SERGEF: variants seen among roughly 807,000 people sequenced by gnomAD.
SERGEF encodes secretion-regulating guanine nucleotide exchange factor.
Under a neutral mutation model 50.0 loss-of-function variants are expected in SERGEF, and 51 were observed. That is an observed-to-expected ratio of 1.02 (90% confidence interval 0.81 to 1.29). The LOEUF (loss-of-function observed/expected upper bound fraction) is 1.29. Among genes scored for constraint, SERGEF ranks in the 50% most tolerant of loss-of-function variants. The probability of loss-of-function intolerance (pLI) is 0.00; values close to 1 mark genes in which losing one functional copy is unlikely to be tolerated. For synonymous variants in SERGEF, 205 were observed against 212.4 expected, an observed-to-expected ratio of 0.97 and a Z score of 0.30; for missense variants, 521 against 557.0, an observed-to-expected ratio of 0.94 and a Z score of 0.65.
chr11:17,798,111 G>C (rs1241530179), intron 10 of SERGEF, among the ~76,000 whole-genome samples: 1 of 152,154 alleles, frequency 6.6e-6, no homozygotes, highest in Non-Finnish European at 1.5e-5. Context: ...CAAAAGAAAG[G>C]CCTTGGCTCA....
At chr11:17,858,773 T>C (rs1396168125) in intron 10 of SERGEF, among the ~76,000 whole-genome samples, 1 of 151,902 alleles carries the variant, frequency 6.6e-6, no homozygotes, top group Non-Finnish European at 1.5e-5. Context: ...GACTACTAGA[T>C]AAAACTAGAG....
intron 9 of SERGEF, among the ~76,000 whole-genome samples, chr11:17,911,912 AGGTAGCTG>A (rs1284206708): frequency 1.4e-4 from 22 of 152,266 alleles, no homozygotes; most frequent in Admixed American, 3.9e-4. Flanking sequence ...AGTCAAGTGG[AGGTAGCTG>A]GGTAGTAGTT....
intron 10 of SERGEF, among the ~76,000 whole-genome samples, chr11:17,791,777 G>T (rs1367820016): frequency 2.0e-5 from 3 of 152,198 alleles, no homozygotes; most frequent in African/African-American, 7.2e-5. Flanking sequence ...GTTTACAAGG[G>T]TTAAATGAGT....
At chr11:17,967,919 C>G (rs1853159903) in intron 8 of SERGEF, among the ~76,000 whole-genome samples, 2 of 152,170 alleles carry the variant, frequency 1.3e-5, no homozygotes, top group Non-Finnish European at 2.9e-5. Flanking sequence ...TCCTACTCCC[C>G]CTTCAGGGCC....
intron 9 of SERGEF, among the ~76,000 whole-genome samples, chr11:17,890,793 G>A (rs760155886): frequency 1.4e-4 from 21 of 152,132 alleles, no homozygotes; most frequent in Admixed American, 6.5e-4. Flanking sequence ...CTAGGACTGA[G>A]GCAGGGAAAG....
At chr11:17,908,302 A>T (rs1380836125) in intron 9 of SERGEF, among the ~76,000 whole-genome samples, 5 of 152,060 alleles carry the variant, frequency 3.3e-5, no homozygotes, top group African/African-American at 9.7e-5. Flanking sequence ...AAGTGCTTGC[A>T]GTTTCCTGAA....
intron 10 of SERGEF, among the ~76,000 whole-genome samples, chr11:17,824,077 G>A (rs559864581): frequency 2.6e-3 from 390 of 152,206 alleles, no homozygotes; most frequent in African/African-American, 8.4e-3. Context: ...CGAGGCGGGC[G>A]GATCACGACA....
chr11:17,803,244 GT>G (rs560044276), intron 10 of SERGEF, among the ~76,000 whole-genome samples: 137 of 152,372 alleles, frequency 9.0e-4, no homozygotes, highest in African/African-American at 3.0e-3. Flanking sequence ...AGAGCTAGAG[GT>G]TGAACAGACC....
At position 17,788,895 on chromosome 11, in the gene SERGEF, G is replaced by A. The variant is rs187369449; in HGVS notation, c.1049-482C>T. 5.3e-5 allele frequency among the ~76,000 whole-genome samples: 8 copies of A among 152,264 alleles called. No individual in the cohort carries two copies. The East Asian group carries it at 7.7e-4, about 15-fold the overall frequency. On this transcript the variant is annotated intron_variant, in intron 10 of 10. Transcript: ENST00000265965. ...TTCAAAGAGCATCAAGACAATCTTC[G>A]ACAACTGCAAATCTAATCACGTGTC...
At chr11:17,915,571 G>A (rs1339860994) in intron 9 of SERGEF, among the ~76,000 whole-genome samples, 2 of 152,072 alleles carry the variant, frequency 1.3e-5, no homozygotes, top group Non-Finnish European at 1.5e-5. Flanking sequence ...TAACTCAGCT[G>A]ACCCAAAAAA....
Position 17,888,331 on chromosome 11 carries a change from G to T in SERGEF, c.1012-10087C>A, listed in dbSNP as rs1404967006. On this transcript the variant is annotated intron_variant, in intron 9 of 10. Transcript: ENST00000265965. The surrounding 1 kb of genome is among the most constrained non-coding windows in gnomAD (Gnocchi z 4.1). ...AAATAATATAACTGCTCTGAAGGGG[G>T]TCAGAATAACTCTTGAACACAGTAC... 6.6e-6 allele frequency among the ~76,000 whole-genome samples: 1 copy of T among 152,080 alleles called. No homozygotes were observed. Among genetic ancestry groups the T allele is most frequent in the Non-Finnish European group, 1.5e-5 (1 of 68,002 alleles).
intron 8 of SERGEF, among the ~76,000 whole-genome samples, chr11:17,970,388 G>A (rs962951128): frequency 1.3e-5 from 2 of 152,042 alleles, no homozygotes; most frequent in East Asian, 1.9e-4. Flanking sequence ...CTGCTCCACC[G>A]ACCAGCCCTT....
In SERGEF at chr11:17,912,309, G is replaced by A. The variant is rs375998090; in HGVS notation, c.1012-34065C>T. 1.1e-4 allele frequency among the ~76,000 whole-genome samples: 17 copies of A among 152,286 alleles called. No individual in the cohort carries two copies. In the East Asian group the frequency reaches 3.3e-3, roughly 29 times the overall value. The stretch of plus-strand genomic sequence containing the variant: ...GATGACACTGTATAAAAACATTTCA[G>A]AACCAGAAACAAACTCAGAAATGAT... On this transcript the variant is annotated intron_variant, in intron 9 of 10. Coordinates refer to ENST00000265965, the MANE Select transcript of SERGEF (RefSeq NM_012139.4).
At chr11:17,964,223 T>C (rs1279957965) in intron 8 of SERGEF, among the ~76,000 whole-genome samples, 1 of 152,056 alleles carries the variant, frequency 6.6e-6, no homozygotes, top group Non-Finnish European at 1.5e-5. Context: ...AATAGTCAAA[T>C]ATAAATGAAA....
At chr11:17,921,809 C>T (rs74542995) in intron 9 of SERGEF, among the ~76,000 whole-genome samples, 1 of 152,164 alleles carries the variant, frequency 6.6e-6, no homozygotes, top group Admixed American at 6.5e-5. Flanking sequence ...AGGAAGAACA[C>T]ATGATTTAGG....
chr11:17,848,943 G>C (rs1031867776), intron 10 of SERGEF, among the ~76,000 whole-genome samples: 2 of 152,138 alleles, frequency 1.3e-5, no homozygotes, highest in Non-Finnish European at 2.9e-5. Flanking sequence ...GAATGGGGCG[G>C]TACCAAGAGC....
intron 4 of SERGEF, 123 bp downstream of exon 4, chr11:18,004,318 C>G: frequency 1.6e-6 from 1 of 625,048 alleles, no homozygotes; most frequent in Non-Finnish European, 2.6e-6. Context: ...TTTTTCAACT[C>G]AAATTCTCCT....
At chr11:17,853,345 C>T (rs542748500) in intron 10 of SERGEF, among the ~76,000 whole-genome samples, 20 of 152,192 alleles carry the variant, frequency 1.3e-4, no homozygotes, top group Non-Finnish European at 2.4e-4. Flanking sequence ...TTCATTTCTT[C>T]TCCTTCCCCT....
chr11:17,980,777 CTTTG>C (rs1350100720), intron 8 of SERGEF, among the ~76,000 whole-genome samples: 1 of 152,050 alleles, frequency 6.6e-6, no homozygotes, highest in Non-Finnish European at 1.5e-5. Flanking sequence ...GTTTCCATAC[CTTTG>C]TTTTTGTCAT....
Sources: allele counts gnomAD v4.1 joint callset (sites outside exome capture counted in the v4.1 genomes callset), GRCh38; gene constraint gnomAD v4.1.1; non-coding constraint Gnocchi (gnomAD v3.1); transcripts MANE v1.5; gene names NCBI Gene and HGNC (gene_info 2026-07-23, HGNC 2026-07-21).